The following FHIP1A variants were observed in gnomAD, a reference collection of about 807,000 sequenced individuals.
The protein encoded by FHIP1A is FHF complex subunit HOOK-interacting protein 1A.
FHIP1A carries 61 observed loss-of-function variants against 88.6 expected under a neutral mutation model. The observed-to-expected ratio is 0.69, with a 90% confidence interval of 0.56 to 0.85. The LOEUF is 0.85. Ranked by LOEUF, FHIP1A falls within the 40% of genes least tolerant of loss-of-function variation. The pLI is 0.00. For missense variants in FHIP1A, 1,154 were observed against 1,273.5 expected (o/e 0.91, Z 1.43); for synonymous variants, 478 against 496.0 (o/e 0.96, Z 0.48).
intron 2 of FHIP1A, among the ~76,000 whole-genome samples, chr4:151,457,907 T>A (rs1003234401): frequency 2.0e-5 from 3 of 152,124 alleles, no homozygotes; most frequent in Non-Finnish European, 4.4e-5. Context: ...GAAATATATT[T>A]TGATGGCCAA....
rs1737242915 is a variant in FHIP1A at position 151,656,436 on chromosome 4, A to C, written c.2730+26A>C. On this transcript the variant is annotated intron_variant, in intron 12 of 13. Coordinates refer to ENST00000435205, the MANE Select transcript of FHIP1A (RefSeq NM_001109977.3). The surrounding 1 kb of genome is among the most constrained non-coding windows in gnomAD (Gnocchi z 4.2). ...GTATGTTAGCTGAACCCACATCCAC[A>C]CCTGTTGATTTTGTGGGTGCTAATT... 1 of 1,541,828 alleles carries C rather than the reference A, an allele frequency of 6.5e-7. No individual in the cohort carries two copies. The highest frequency in any genetic ancestry group is 2.0e-5 in the Admixed American group (1 of 50,324).
intron 2 of FHIP1A, among the ~76,000 whole-genome samples, chr4:151,475,104 A>G (rs1729652063): frequency 1.3e-5 from 2 of 152,140 alleles, no homozygotes; most frequent in Admixed American, 6.5e-5. Flanking sequence ...TAGTTACTTA[A>G]TTTCTATAAG....
At position 151,577,933 on chromosome 4, in the gene FHIP1A, A is replaced by G. The variant is rs772660365; in HGVS notation, c.589A>G (p.Ile197Val). The G allele has an allele frequency of 3.5e-5, 54 of 1,551,442 alleles. No homozygotes were observed. The highest frequency in any genetic ancestry group is 4.5e-5 in the Non-Finnish European group (52 of 1,146,972). ...AGACCAAGGCGCTGCCAACTTCCTC[A>G]TCTTCTCCCTTCTGATTCCCTTCAT... ...SEDQGAANFLIFSLLIPFIHR... is the reference protein window; with the variant it reads ...SEDQGAANFLVFSLLIPFIHR... The change falls in exon 5 of 14, where the codon ATC (isoleucine) becomes GTC (valine). Residue 197 changes from isoleucine to valine, a missense_variant. Physicochemically the swap from Ile to Val is conservative, Grantham distance 29. Coordinates refer to ENST00000435205, the MANE Select transcript of FHIP1A (RefSeq NM_001109977.3).
intron 7 of FHIP1A, among the ~76,000 whole-genome samples, chr4:151,616,278 C>T (rs867318556): frequency 6.6e-6 from 1 of 152,166 alleles, no homozygotes; most frequent in Admixed American, 6.5e-5. Context: ...GATGGAAGAT[C>T]AAAACACCAT....
intron 1 of FHIP1A, among the ~76,000 whole-genome samples, chr4:151,420,589 A>G (rs1219546330): frequency 1.3e-5 from 2 of 152,172 alleles, no homozygotes; most frequent in African/African-American, 4.8e-5. Context: ...GAATCTCCAT[A>G]CTGAAATTTT....
chr4:151,519,985 A>C (rs1731394717), intron 3 of FHIP1A, among the ~76,000 whole-genome samples: 1 of 152,140 alleles, frequency 6.6e-6, no homozygotes, highest in Non-Finnish European at 1.5e-5. Context: ...TTCAGATACC[A>C]GTTCTTTGTC....
intron 3 of FHIP1A, among the ~76,000 whole-genome samples, chr4:151,486,738 G>A (rs1056931651): frequency 5.3e-5 from 8 of 151,920 alleles, no homozygotes; most frequent in African/African-American, 1.5e-4. Flanking sequence ...AGGTCGAGGC[G>A]GGCGGATCGC....
At chr4:151,549,321 A>T (rs1375308435) in intron 3 of FHIP1A, among the ~76,000 whole-genome samples, 1 of 152,046 alleles carries the variant, frequency 6.6e-6, no homozygotes, top group Non-Finnish European at 1.5e-5. Context: ...AGAATAAGAG[A>T]GCTGAACATA....
chr4:151,463,378 T>G lies in FHIP1A; in HGVS notation c.-248+8570T>G, dbSNP rs113405805. On this transcript the variant is annotated intron_variant, in intron 2 of 13. Transcript: ENST00000435205. ...AGAGATGCCAGTAGCTTTGAAGAGG[T>G]TCTTATTATCCTTTCTGTTTTATAC... Among the ~76,000 whole-genome samples, 512 of 152,122 alleles carry G rather than the reference T, an allele frequency of 3.4e-3. 3 individuals carry two copies. The highest frequency in any genetic ancestry group is 0.012 in the African/African-American group (497 of 41,494).
intron 3 of FHIP1A, among the ~76,000 whole-genome samples, chr4:151,482,993 C>T (rs998832298): frequency 2.0e-5 from 3 of 151,846 alleles, no homozygotes; most frequent in Admixed American, 2.0e-4. Flanking sequence ...TTGATCAAAA[C>T]CAAGAAGGAG....
chr4:151,619,642 T>C (rs1277743242), intron 7 of FHIP1A, among the ~76,000 whole-genome samples: 1 of 152,276 alleles, frequency 6.6e-6, no homozygotes, highest in Non-Finnish European at 1.5e-5. Flanking sequence ...TGTTAGTTGG[T>C]ATTCTTCAGT....
chr4:151,530,793 G>C (rs1050756583), intron 3 of FHIP1A, among the ~76,000 whole-genome samples: 2 of 152,182 alleles, frequency 1.3e-5, no homozygotes, highest in Admixed American at 1.3e-4. Flanking sequence ...CATTCTGGCT[G>C]GGTGACCTTT....
chr4:151,457,866 C>T (rs1729019931), intron 2 of FHIP1A, among the ~76,000 whole-genome samples: 1 of 152,128 alleles, frequency 6.6e-6, no homozygotes, highest in Non-Finnish European at 1.5e-5. Context: ...ATACTTCTAT[C>T]TCCAAAGGTA....
At chr4:151,478,095 T>A (rs1477267313) in intron 2 of FHIP1A, among the ~76,000 whole-genome samples, 1 of 152,096 alleles carries the variant, frequency 6.6e-6, no homozygotes, top group Admixed American at 6.6e-5. Flanking sequence ...TGGCTAAAGG[T>A]TGGAAACAAC....
chr4:151,499,881 A>C (rs534359415), intron 3 of FHIP1A, among the ~76,000 whole-genome samples: 3 of 152,334 alleles, frequency 2.0e-5, no homozygotes, highest in African/African-American at 7.2e-5. Flanking sequence ...ACCTTTCACC[A>C]GGTCCCTCCC....
chr4:151,567,826 CA>C (rs1171432761), intron 4 of FHIP1A, among the ~76,000 whole-genome samples: 1 of 152,140 alleles, frequency 6.6e-6, no homozygotes, highest in African/African-American at 2.4e-5. Context: ...AGTGCATAAT[CA>C]TATGTTTTTA....
chr4:151,470,524 G>T (rs1236475321), intron 2 of FHIP1A, among the ~76,000 whole-genome samples: 1 of 152,104 alleles, frequency 6.6e-6, no homozygotes, highest in African/African-American at 2.4e-5. Flanking sequence ...GAGTGTGGGT[G>T]GTTTTTCTTT....
At chr4:151,498,452 G>A (rs7665216) in intron 3 of FHIP1A, among the ~76,000 whole-genome samples, 53,385 of 151,970 alleles carry the variant, frequency 0.35, 9,980 homozygotes, top group Non-Finnish European at 0.43. Context: ...CTCCAGGGTA[G>A]GGGAGGGCGG....
chr4:151,518,632 C>A (rs1731335270), intron 3 of FHIP1A, among the ~76,000 whole-genome samples: 1 of 96,728 alleles, frequency 1.0e-5, no homozygotes, highest in African/African-American at 4.0e-5. Context: ...CATAACTATC[C>A]ATTTCCCTCC....
Sources: allele counts gnomAD v4.1 joint callset (sites outside exome capture counted in the v4.1 genomes callset), GRCh38; gene constraint gnomAD v4.1.1; non-coding constraint Gnocchi (gnomAD v3.1); transcripts MANE v1.5; gene names NCBI Gene and HGNC (gene_info 2026-07-23, HGNC 2026-07-21).